Variants in FAM53A observed in about 807,000 individuals in gnomAD.
FAM53A encodes the protein family with sequence similarity 53 member A, also known as protein FAM53A.
FAM53A carries 28 observed loss-of-function variants against 26.6 expected under a neutral mutation model. The ratio of observed to expected loss-of-function variants is 1.05; its 90% confidence interval spans 0.78 to 1.45. The LOEUF (loss-of-function observed/expected upper bound fraction) is 1.45, where lower values mean the gene tolerates loss of function less well. FAM53A is among the 40% of genes most tolerant of loss of function. FAM53A has a pLI of 0.00. For synonymous variants in FAM53A, 290 were observed against 253.1 expected (o/e 1.15, Z -1.38); for missense variants, 650 against 575.8 (o/e 1.13, Z -1.32).
At chr4:1,576,992 CT>C in the FAM53A span, among the ~76,000 whole-genome samples, 6 of 151,144 alleles carry the variant, frequency 4.0e-5, no homozygotes, top group African/African-American at 1.2e-4. Context: ...ACACTGCACA[CT>C]GTTCCCGGCC....
intron 4 of FAM53A, among the ~76,000 whole-genome samples, chr4:1,642,781 G>T (rs1711842359): frequency 6.6e-6 from 1 of 151,776 alleles, no homozygotes; most frequent in East Asian, 1.9e-4. Flanking sequence ...AGCCCCACCT[G>T]CCGGGTCACC....
chr4:1,643,590 A>G (rs1711957054), intron 4 of FAM53A, among the ~76,000 whole-genome samples: 1 of 146,378 alleles, frequency 6.8e-6, no homozygotes, highest in East Asian at 2.0e-4. Context: ...TTTTTGAGAC[A>G]GGGTCTTGCT....
intron 2 of FAM53A, among the ~76,000 whole-genome samples, chr4:1,664,661 A>G (rs1714096583): frequency 6.6e-6 from 1 of 152,186 alleles, no homozygotes; most frequent in African/African-American, 2.4e-5. Context: ...AACACAGGCA[A>G]TCACACTGTC....
intron 4 of FAM53A, among the ~76,000 whole-genome samples, chr4:1,647,636 C>T (rs912046652): frequency 1.3e-5 from 2 of 152,374 alleles, no homozygotes; most frequent in South Asian, 2.1e-4. Context: ...AGCTGGGCTG[C>T]GCATACCGAG....
At chr4:1,674,601 G>A (rs536313959) in intron 1 of FAM53A, among the ~76,000 whole-genome samples, 24 of 151,916 alleles carry the variant, frequency 1.6e-4, no homozygotes, top group African/African-American at 4.8e-4. Flanking sequence ...CCCAGGAGGC[G>A]GAGGTTGCAG....
chr4:1,641,940 A>G (rs1287473023), intron 4 of FAM53A, among the ~76,000 whole-genome samples: 2 of 152,134 alleles, frequency 1.3e-5, no homozygotes, highest in Non-Finnish European at 2.9e-5. Flanking sequence ...CAAGATGCCC[A>G]GGGCTCACAG....
At chr4:1,645,462 C>T (rs1712156497) in intron 4 of FAM53A, among the ~76,000 whole-genome samples, 1 of 152,228 alleles carries the variant, frequency 6.6e-6, no homozygotes, top group Admixed American at 6.5e-5. Flanking sequence ...GCTGAGTGAG[C>T]CCTGCTCAGA....
the FAM53A span, among the ~76,000 whole-genome samples, chr4:1,596,404 A>G: frequency 9.5e-6 from 1 of 105,346 alleles, no homozygotes; most frequent in Non-Finnish European, 1.9e-5. Flanking sequence ...GTGCGCCCCC[A>G]CCCACCTTCC....
the FAM53A span, among the ~76,000 whole-genome samples, chr4:1,579,349 C>A: frequency 6.6e-6 from 1 of 151,906 alleles, no homozygotes; most frequent in Admixed American, 6.5e-5. Context: ...CCCTCCCTAC[C>A]CCGGCCGCCC....
chr4:1,665,309 C>T (rs1714143044), intron 2 of FAM53A, among the ~76,000 whole-genome samples: 1 of 150,540 alleles, frequency 6.6e-6, no homozygotes, highest in African/African-American at 2.5e-5. Flanking sequence ...CAGAGCAAGA[C>T]TCCATCACTT....
chr4:1,618,523 T>C (rs527624724), intron 1 of FAM53A, among the ~76,000 whole-genome samples: 10 of 152,294 alleles, frequency 6.6e-5, no homozygotes, highest in Admixed American at 5.2e-4. Context: ...CTGGCCCTGC[T>C]GTGCCCACCT....
intron 1 of FAM53A, among the ~76,000 whole-genome samples, chr4:1,629,451 G>C (rs1220330874): frequency 6.6e-6 from 1 of 152,196 alleles, no homozygotes; most frequent in Admixed American, 6.5e-5. Flanking sequence ...CCTCGACTGT[G>C]CCCTGGAGGC....
chr4:1,624,503 C>T (rs1426646570), intron 1 of FAM53A, among the ~76,000 whole-genome samples: 1 of 152,224 alleles, frequency 6.6e-6, no homozygotes, highest in African/African-American at 2.4e-5. Context: ...AGAAGGACGG[C>T]AGGGGTGACT....
At chr4:1,596,465 G>T in the FAM53A span, among the ~76,000 whole-genome samples, 2 of 116,638 alleles carry the variant, frequency 1.7e-5, no homozygotes, top group Admixed American at 1.3e-4. Context: ...CCCAACGCTG[G>T]CTACACCGTC....
At chr4:1,577,848 C>G in the FAM53A span, among the ~76,000 whole-genome samples, 3 of 151,894 alleles carry the variant, frequency 2.0e-5, no homozygotes, top group Non-Finnish European at 4.4e-5. Context: ...AGGGAGCCGC[C>G]TGATGAGCAG....
At chr4:1,675,420 G>C (rs939558022) in intron 1 of FAM53A, among the ~76,000 whole-genome samples, 1 of 152,154 alleles carries the variant, frequency 6.6e-6, no homozygotes. Flanking sequence ...CCTGAGCCCA[G>C]GTGATGCCTT....
chr4:1,614,437 T>C (rs1417576024), downstream of FAM53A, among the ~76,000 whole-genome samples: 51 of 96,914 alleles, frequency 5.3e-4, 1 homozygote, highest in African/African-American at 1.8e-3. Context: ...GTGAGGGGGA[T>C]GCAGAGACAT....
At chr4:1,597,911 G>A in the FAM53A span, among the ~76,000 whole-genome samples, 1 of 152,314 alleles carries the variant, frequency 6.6e-6, no homozygotes, top group South Asian at 2.1e-4. Flanking sequence ...CAGGAGAATC[G>A]CTCGAACCTG....
intron 1 of FAM53A, among the ~76,000 whole-genome samples, chr4:1,672,356 G>A (rs146497989): frequency 7.9e-6 from 1 of 125,908 alleles, no homozygotes; most frequent in African/African-American, 4.7e-5. Context: ...ATGGACCCAG[G>A]AACCCAGGAA....
Sources: allele counts gnomAD v4.1 joint callset (sites outside exome capture counted in the v4.1 genomes callset), GRCh38; gene constraint gnomAD v4.1.1; transcripts MANE v1.5; gene names NCBI Gene and HGNC (gene_info 2026-07-23, HGNC 2026-07-21).